Variants in BMP5 observed in about 807,000 individuals in gnomAD.
BMP5 encodes the protein bone morphogenetic protein 5.
In BMP5, 23 loss-of-function variants were observed where a neutral mutation model predicts 46.6. That is an observed-to-expected ratio of 0.49 (90% CI 0.35 to 0.70). The LOEUF (loss-of-function observed/expected upper bound fraction) is 0.70. Among genes scored for constraint, BMP5 ranks in the 30% least tolerant of loss-of-function variants. The pLI is 0.00. For missense variants in BMP5, 545 were observed against 565.6 expected, an observed-to-expected ratio of 0.96 and a Z score of 0.37; for synonymous variants, 204 against 191.9, an observed-to-expected ratio of 1.06 and a Z score of -0.52.
intron 3 of BMP5, among the ~76,000 whole-genome samples, chr6:55,787,256 T>C (rs1026855426): frequency 1.5e-4 from 23 of 151,752 alleles, no homozygotes; most frequent in African/African-American, 4.3e-4. Context: ...AGGCAGATAC[T>C]TCCATTTAAA....
At chr6:55,791,895 A>G (rs1347795374) in intron 3 of BMP5, among the ~76,000 whole-genome samples, 1 of 152,170 alleles carries the variant, frequency 6.6e-6, no homozygotes, top group Non-Finnish European at 1.5e-5. Flanking sequence ...TGTTTGGGCC[A>G]CATACCAGGG....
chr6:55,794,325 A>G lies in BMP5; in HGVS notation c.786T>C (p.Asn262=). 3.7e-6 allele frequency: 6 copies of G among 1,614,024 alleles called. No homozygotes were observed. In the South Asian group the frequency reaches 6.6e-5, roughly 18 times the overall value. Residue 262 remains asparagine, a synonymous_variant, in exon 3 of 7, where the codon AAT becomes AAC. Coordinates refer to ENST00000370830, the MANE Select transcript of BMP5 (RefSeq NM_021073.4). ...ITVTSNHWVI[N]PQNNLGLQLC... ...GCTGTAAGCCCAAATTATTCTGGGG[A>G]TTAATCACCCAATGATTGCTGGTCA... is the stretch of plus-strand genomic sequence containing the variant.
intron 4 of BMP5, among the ~76,000 whole-genome samples, chr6:55,765,963 C>T (rs1056052868): frequency 2.6e-5 from 4 of 152,152 alleles, no homozygotes; most frequent in African/African-American, 9.6e-5. Flanking sequence ...GCCTCCTGCT[C>T]ACTATTTCTA....
intron 3 of BMP5, 60 bp downstream of exon 3, chr6:55,794,219 C>T (rs1020641440): frequency 3.4e-5 from 54 of 1,577,626 alleles, no homozygotes; most frequent in African/African-American, 3.0e-4. Flanking sequence ...ACATAAAAAA[C>T]GATAACTCTC....
chr6:55,784,698 G>A (rs1775405259), intron 3 of BMP5, among the ~76,000 whole-genome samples: 1 of 151,576 alleles, frequency 6.6e-6, no homozygotes, highest in Non-Finnish European at 1.5e-5. Context: ...ACATATTGTG[G>A]ACCACATCAC....
At chr6:55,856,330 T>A (rs975027474) in intron 1 of BMP5, among the ~76,000 whole-genome samples, 3 of 152,228 alleles carry the variant, frequency 2.0e-5, no homozygotes, top group African/African-American at 7.2e-5. Context: ...ATACAATCAC[T>A]ATAAACATTC....
intron 3 of BMP5, 121 bp from the exon 4 acceptor site, chr6:55,774,364 C>G (rs1331311331): frequency 9.2e-5 from 80 of 873,466 alleles, no homozygotes; most frequent in Admixed American, 5.4e-4. Flanking sequence ...GAATGCCTTC[C>G]TTACAGGCCA....
Position 55,774,054 on chromosome 6 carries a change from A to G in BMP5, c.1022T>C (p.Val341Ala). The change falls in exon 4 of 7, where the codon GTT becomes GCT. Residue 341 changes from valine (V) to alanine (A), a missense_variant. Coordinates refer to ENST00000370830, the MANE Select transcript of BMP5 (RefSeq NM_021073.4). The part of the protein sequence containing the change: ...SHQDSSRMSS[V>A]GDYNTSEQKQ... ...CTGCTCGGGTTTATTCTTACCTCCAACACTGGACATTCTGGAGGAGTCCTG... is the reference window on the plus strand; with the variant it reads ...CTGCTCGGGTTTATTCTTACCTCCAGCACTGGACATTCTGGAGGAGTCCTG... 6.2e-7 allele frequency: 1 copy of G among 1,612,336 alleles called. No homozygotes were observed. The highest frequency in any genetic ancestry group is 8.5e-7 in the Non-Finnish European group (1 of 1,179,144).
chr6:55,800,267 A>G (rs1221438243), intron 2 of BMP5, among the ~76,000 whole-genome samples: 3 of 152,258 alleles, frequency 2.0e-5, no homozygotes, highest in Non-Finnish European at 4.4e-5. Flanking sequence ...AGAAAAAGCC[A>G]TCATATATAT....
chr6:55,777,283 AT>A (rs1775199562), intron 3 of BMP5, among the ~76,000 whole-genome samples: 1 of 152,098 alleles, frequency 6.6e-6, no homozygotes, highest in Admixed American at 6.6e-5. Context: ...AAAAAAGTAA[AT>A]TCTTTATAAA....
At chr6:55,764,483 G>A (rs1028436568) in intron 4 of BMP5, among the ~76,000 whole-genome samples, 10 of 151,012 alleles carry the variant, frequency 6.6e-5, no homozygotes, top group Non-Finnish European at 1.3e-4. Context: ...TGAGGCAGGA[G>A]AACGGCGTGA....
At chr6:55,813,308 CAG>C (rs1358118410) in intron 2 of BMP5, among the ~76,000 whole-genome samples, 1 of 151,858 alleles carries the variant, frequency 6.6e-6, no homozygotes, top group Non-Finnish European at 1.5e-5. Context: ...TTTAAAAACA[CAG>C]AAAGTGTTGA....
chr6:55,874,290 T>C (rs1777849489), intron 1 of BMP5, 86 bp downstream of exon 1: 8 of 1,564,706 alleles, frequency 5.1e-6, no homozygotes, highest in African/African-American at 1.4e-5. Flanking sequence ...TATATAAACA[T>C]GACCACCTAC....
chr6:55,815,421 T>A (rs1415618713), intron 2 of BMP5, among the ~76,000 whole-genome samples: 1 of 152,162 alleles, frequency 6.6e-6, no homozygotes, highest in Non-Finnish European at 1.5e-5. Context: ...CAAATCTATA[T>A]CATCCCAGAG....
intron 2 of BMP5, among the ~76,000 whole-genome samples, chr6:55,796,862 T>C (rs1266067521): frequency 1.3e-5 from 2 of 152,116 alleles, no homozygotes; most frequent in Non-Finnish European, 2.9e-5. Context: ...TTGCAATTCA[T>C]TGGAAAGTAA....
At position 55,753,996 on chromosome 6, in the gene BMP5, C is replaced by T. The variant is rs950704797; in HGVS notation, c.*1537G>A. On this transcript the variant is annotated 3_prime_UTR_variant, in exon 7 of 7. Coordinates refer to ENST00000370830, the MANE Select transcript of BMP5 (RefSeq NM_021073.4). Reference sequence around the variant, plus strand: ...CTTAATGTACCCCTTAATATAGTTACTGTCAAATTTTCTTTAAGATAAACT... The same window carrying T: ...CTTAATGTACCCCTTAATATAGTTATTGTCAAATTTTCTTTAAGATAAACT... 1.3e-5 allele frequency: 2 copies of T among 151,860 alleles called. No individual in the cohort carries two copies. The highest frequency in any genetic ancestry group is 4.8e-5 in the African/African-American group (2 of 41,390). 9.4% of individuals were successfully genotyped at this position (151,860 alleles called of 1,614,324 possible). A position where few individuals can be genotyped will look rare whatever the true frequency, so the allele number is the denominator to read the frequency against.
chr6:55,828,651 C>A (rs1156779511), intron 1 of BMP5, among the ~76,000 whole-genome samples: 1 of 151,142 alleles, frequency 6.6e-6, no homozygotes, highest in African/African-American at 2.4e-5. Flanking sequence ...ATTTTAGGAA[C>A]ATTTTATTTA....
intron 1 of BMP5, among the ~76,000 whole-genome samples, chr6:55,834,960 C>G (rs576260448): frequency 6.6e-6 from 1 of 151,994 alleles, no homozygotes; most frequent in Non-Finnish European, 1.5e-5. Flanking sequence ...GTGGCAGGTG[C>G]CTATAATCCC....
At position 55,874,797 on chromosome 6, in the gene BMP5, AC is replaced by A. The variant is rs1287749511; in HGVS notation, c.68del (p.Gly23ValfsTer66). ...TGTCTCCCAAACCTCCTTTTGCATA[AC>A]CCACTAGAACCCAGCAGCTCCAGAG... ...GFLWSCWVLV[G>X]YAKGGLGDNH... On this transcript the variant is annotated frameshift_variant, in exon 1 of 7. Coordinates refer to ENST00000370830, the MANE Select transcript of BMP5 (RefSeq NM_021073.4). LOFTEE classifies it high-confidence loss of function. 1 of 1,613,432 alleles carries A rather than the reference AC, an allele frequency of 6.2e-7. No individual in the cohort carries two copies. The highest frequency in any genetic ancestry group is 8.5e-7 in the Non-Finnish European group (1 of 1,179,634).
Sources: gnomAD v4.1 joint callset for allele counts (sites outside exome capture counted in the v4.1 genomes callset) on GRCh38, gnomAD v4.1.1 for gene constraint, MANE v1.5 for transcripts, NCBI Gene and HGNC (gene_info 2026-07-23, HGNC 2026-07-21) for gene names.